FBXW7: variants seen among roughly 807,000 people sequenced by gnomAD.
FBXW7 encodes the protein F-box and WD repeat domain containing 7, also known as F-box/WD repeat-containing protein 7.
In FBXW7, 11 loss-of-function variants were observed where a neutral mutation model predicts 86.3. The ratio of observed to expected loss-of-function variants is 0.13; its 90% CI spans 0.08 to 0.21. FBXW7 has a LOEUF of 0.21. Ranked by LOEUF, FBXW7 falls within the 10% of genes least tolerant of loss-of-function variation. The pLI, the probability that FBXW7 is intolerant of heterozygous loss-of-function variation, is 1.00. For missense variants in FBXW7, 488 were observed against 847.4 expected (o/e 0.58, Z 5.27); for synonymous variants, 313 against 297.9 (o/e 1.05, Z -0.52).
At position 152,346,991 on chromosome 4, in the gene FBXW7, CGTT is replaced by C; in HGVS notation, c.662_664del (p.Gln221del). ...TGGCTGGACAGATGTAATTCGGCGT[CGTT>C]GTTGCCCTTGGCCATTGGCTGCTCT... On this transcript the variant is annotated inframe_deletion, in exon 6 of 14. Transcript: ENST00000281708. 1 of 1,612,856 alleles carries C rather than the reference CGTT, an allele frequency of 6.2e-7. No homozygotes were observed. The highest frequency in any genetic ancestry group is 8.5e-7 in the Non-Finnish European group (1 of 1,179,734).
At chr4:152,329,978 T>C (rs1163752211) in intron 9 of FBXW7, among the ~76,000 whole-genome samples, 193 bp from the exon 10 acceptor site, 1 of 151,936 alleles carries the variant, frequency 6.6e-6, no homozygotes, top group Non-Finnish European at 1.5e-5. Flanking sequence ...CCATAGTCTA[T>C]TATTTATACT....
At chr4:152,510,281 T>C (rs1466436841) in intron 2 of FBXW7, among the ~76,000 whole-genome samples, 2 of 152,334 alleles carry the variant, frequency 1.3e-5, no homozygotes, top group East Asian at 1.9e-4. Context: ...TAAAGTTATG[T>C]CAGTATATCT....
At chr4:152,432,895 T>C (rs895277890) in intron 2 of FBXW7, among the ~76,000 whole-genome samples, 5 of 152,210 alleles carry the variant, frequency 3.3e-5, no homozygotes, top group Non-Finnish European at 5.9e-5. Flanking sequence ...AATCACTCCT[T>C]AGCACATTTA....
At chr4:152,475,252 C>T (rs1311909343) in intron 2 of FBXW7, among the ~76,000 whole-genome samples, 2 of 151,512 alleles carry the variant, frequency 1.3e-5, no homozygotes, top group African/African-American at 4.8e-5. Context: ...CACAGCAAGA[C>T]CTCATCTCCA....
Position 152,428,601 on chromosome 4 carries a change from T to C in FBXW7, c.-119-16072A>G, listed in dbSNP as rs570825270. Among the ~76,000 whole-genome samples, 8 of 152,334 alleles carry C rather than the reference T, an allele frequency of 5.3e-5. No homozygotes were observed. In the South Asian group the frequency reaches 1.7e-3, roughly 32 times the overall value. On this transcript the variant is annotated intron_variant, in intron 2 of 13. Coordinates refer to ENST00000281708, the MANE Select transcript of FBXW7 (RefSeq NM_001349798.2). ...CTGAACCTCATTTCTTCATCTGTTATATAGCATCTATATCATAGGTTTGCT... is the reference window on the plus strand; with the variant it reads ...CTGAACCTCATTTCTTCATCTGTTACATAGCATCTATATCATAGGTTTGCT...
At chr4:152,394,145 A>G (rs376291036) in intron 4 of FBXW7, among the ~76,000 whole-genome samples, 4 of 152,104 alleles carry the variant, frequency 2.6e-5, no homozygotes, top group South Asian at 2.1e-4. Flanking sequence ...TGTTCCATTC[A>G]TAGTGATTGC....
intron 2 of FBXW7, among the ~76,000 whole-genome samples, chr4:152,492,709 A>G (rs1441317258): frequency 6.6e-6 from 1 of 152,110 alleles, no homozygotes; most frequent in Non-Finnish European, 1.5e-5. Context: ...AAGAGCAAAG[A>G]CTCTGGAGGA....
chr4:152,386,740 T>C lies in FBXW7; in HGVS notation c.501+24563A>G, dbSNP rs530150126. Among the ~76,000 whole-genome samples the C allele has an allele frequency of 1.4e-4, 21 of 152,248 alleles. No homozygotes were observed. In the East Asian group the frequency reaches 4.1e-3, roughly 29 times the overall value. On this transcript the variant is annotated intron_variant, in intron 4 of 13. Transcript: ENST00000281708. ...CAAGATGGGCTAAACATTAGGGAAC[T>C]TGTAGTAAAGAAAAGGTCTTTATAT... is the stretch of plus-strand genomic sequence containing the variant.
intron 4 of FBXW7, among the ~76,000 whole-genome samples, chr4:152,379,697 T>C (rs1047914364): frequency 6.6e-6 from 1 of 152,164 alleles, no homozygotes; most frequent in East Asian, 1.9e-4. Flanking sequence ...AACATTTTCA[T>C]TTGAAGGTAA....
chr4:152,495,752 A>C (rs1746276956), intron 2 of FBXW7, among the ~76,000 whole-genome samples: 2 of 152,206 alleles, frequency 1.3e-5, no homozygotes, highest in Admixed American at 6.5e-5. Flanking sequence ...CAATTTTAGT[A>C]AAGTGGTCCT....
At chr4:152,392,224 C>T (rs1398897361) in intron 4 of FBXW7, among the ~76,000 whole-genome samples, 3 of 152,096 alleles carry the variant, frequency 2.0e-5, no homozygotes, top group Non-Finnish European at 1.5e-5. Flanking sequence ...AGGCCATGTC[C>T]TCTTGCCTTA....
At chr4:152,376,999 T>A (rs1002688847) in intron 4 of FBXW7, among the ~76,000 whole-genome samples, 1 of 152,138 alleles carries the variant, frequency 6.6e-6, no homozygotes, top group African/African-American at 2.4e-5. Flanking sequence ...GGGACGGTGC[T>A]ACAAAAATTA....
At chr4:152,432,842 A>G (rs528736026) in intron 2 of FBXW7, among the ~76,000 whole-genome samples, 128 of 152,078 alleles carry the variant, frequency 8.4e-4, no homozygotes, top group African/African-American at 3.0e-3. Context: ...TATTTTCATC[A>G]CTCCATAAAG....
At chr4:152,406,407 G>A (rs1345443123) in intron 4 of FBXW7, among the ~76,000 whole-genome samples, 2 of 151,922 alleles carry the variant, frequency 1.3e-5, no homozygotes, top group Non-Finnish European at 2.9e-5. Flanking sequence ...ACACAGCAAG[G>A]CCCCGTCTCT....
At chr4:152,397,347 T>C (rs754123321) in intron 4 of FBXW7, among the ~76,000 whole-genome samples, 5 of 151,970 alleles carry the variant, frequency 3.3e-5, no homozygotes, top group African/African-American at 4.8e-5. Context: ...GATCCAACAG[T>C]ATACAGCCCA....
intron 2 of FBXW7, among the ~76,000 whole-genome samples, chr4:152,504,363 T>C (rs139387054): frequency 6.6e-6 from 1 of 152,324 alleles, no homozygotes; most frequent in African/African-American, 2.4e-5. Flanking sequence ...ATTGACAGTG[T>C]TTTGCAAAGT....
chr4:152,457,312 C>T (rs188576690), intron 2 of FBXW7, among the ~76,000 whole-genome samples: 58 of 152,108 alleles, frequency 3.8e-4, no homozygotes, highest in African/African-American at 1.4e-3. Context: ...TTCATGAGTG[C>T]ACATATACGT....
chr4:152,349,578 G>C (rs1363376733), intron 5 of FBXW7, among the ~76,000 whole-genome samples: 1 of 151,726 alleles, frequency 6.6e-6, no homozygotes, highest in East Asian at 1.9e-4. Flanking sequence ...AAAAACTTAA[G>C]ACCTACCAAG....
At chr4:152,341,333 A>G (rs1273747802) in intron 6 of FBXW7, among the ~76,000 whole-genome samples, 4 of 152,164 alleles carry the variant, frequency 2.6e-5, no homozygotes, top group Non-Finnish European at 5.9e-5. Context: ...TCAGCTTCAC[A>G]GCATCTTTCC....
Sources: gnomAD v4.1 joint callset for allele counts (sites outside exome capture counted in the v4.1 genomes callset) on GRCh38, gnomAD v4.1.1 for gene constraint, MANE v1.5 for transcripts, NCBI Gene and HGNC (gene_info 2026-07-23, HGNC 2026-07-21) for gene names.